SLC12A7: variants seen among roughly 807,000 people sequenced by gnomAD.
The protein encoded by SLC12A7 is K-Cl cotransporter 4.
SLC12A7 carries 100 observed loss-of-function variants against 120.6 expected under a neutral mutation model. The observed-to-expected ratio is 0.83, with a 90% CI of 0.71 to 0.98. The LOEUF (loss-of-function observed/expected upper bound fraction) is 0.98, where lower values mean the gene tolerates loss of function less well. Among genes scored for constraint, SLC12A7 ranks in the 50% least tolerant of loss-of-function variants. The pLI, the probability that SLC12A7 is intolerant of heterozygous loss-of-function variation, is 0.00. For synonymous variants in SLC12A7, 760 were observed against 678.0 expected, an observed-to-expected ratio of 1.12 and a Z score of -1.88; for missense variants, 1,373 against 1,548.1, an observed-to-expected ratio of 0.89 and a Z score of 1.90.
At chr5:1,076,931 T>C in intron 12 of SLC12A7, 119 bp from the exon 13 acceptor site, 1 of 731,580 alleles carries the variant, frequency 1.4e-6, no homozygotes, top group Non-Finnish European at 2.4e-6. Flanking sequence ...AGAAACGCCT[T>C]TCACAGTAGG....
intron 1 of SLC12A7, among the ~76,000 whole-genome samples, chr5:1,104,684 G>T (rs1314269957): frequency 6.7e-6 from 1 of 149,744 alleles, no homozygotes; most frequent in Non-Finnish European, 1.5e-5. Flanking sequence ...CGGGGGGTGC[G>T]TGTGGGGTGC....
chr5:1,055,565 C>T (rs1246971972), intron 22 of SLC12A7, among the ~76,000 whole-genome samples: 1 of 152,204 alleles, frequency 6.6e-6, no homozygotes, highest in Non-Finnish European at 1.5e-5. Flanking sequence ...GCACGCCACA[C>T]ATGAATACAA....
the SLC12A7 span, among the ~76,000 whole-genome samples, chr5:1,117,264 G>A: frequency 7.9e-5 from 12 of 152,232 alleles, no homozygotes; most frequent in Admixed American, 5.9e-4. This position sits in a 1 kb window ranked among gnomAD's most constrained non-coding sequence, Gnocchi z 4.5. Flanking sequence ...CTACCAGCCC[G>A]AGATGGAGCA....
chr5:1,116,007 G>A (rs1743307391), upstream of SLC12A7, among the ~76,000 whole-genome samples: 1 of 151,928 alleles, frequency 6.6e-6, no homozygotes, highest in African/African-American at 2.4e-5. Flanking sequence ...AGGAAGCAGA[G>A]TCTCCGGCCA....
chr5:1,126,478 G>C, the SLC12A7 span, among the ~76,000 whole-genome samples: 2 of 152,100 alleles, frequency 1.3e-5, no homozygotes, highest in African/African-American at 4.8e-5. Flanking sequence ...CTTCTGATTT[G>C]TTTTTGGTTT....
At chr5:1,119,185 A>G in the SLC12A7 span, among the ~76,000 whole-genome samples, 1 of 152,168 alleles carries the variant, frequency 6.6e-6, no homozygotes, top group African/African-American at 2.4e-5. Flanking sequence ...TGCATTTTAC[A>G]GCTTTCTGCT....
At chr5:1,108,029 T>TACACACACACACACACACACAC (rs59652318) in intron 1 of SLC12A7, among the ~76,000 whole-genome samples, 6 of 151,492 alleles carry the variant, frequency 4.0e-5, no homozygotes, top group African/African-American at 1.2e-4. Flanking sequence ...AACACACACA[T>TACACACACACACACACACACAC]ACACACACAC....
chr5:1,141,991 C>T, the SLC12A7 span, among the ~76,000 whole-genome samples: 634 of 152,222 alleles, frequency 4.2e-3, 7 homozygotes, highest in African/African-American at 0.014. Context: ...TTAGAGATAC[C>T]CCTCTTCCCT....
intron 6 of SLC12A7, among the ~76,000 whole-genome samples, chr5:1,086,382 A>C (rs554584828): frequency 2.6e-5 from 4 of 152,304 alleles, no homozygotes; most frequent in Admixed American, 6.5e-5. Flanking sequence ...TCCCGTCCCC[A>C]CGAGGACCAA....
chr5:1,144,842 G>A, the SLC12A7 span, among the ~76,000 whole-genome samples: 2 of 152,246 alleles, frequency 1.3e-5, no homozygotes, highest in African/African-American at 4.8e-5. Context: ...TCCCGGCTGC[G>A]CATGCACAGG....
chr5:1,059,130 G>A (rs1014823587), intron 21 of SLC12A7, among the ~76,000 whole-genome samples: 1 of 152,230 alleles, frequency 6.6e-6, no homozygotes, highest in Non-Finnish European at 1.5e-5. Context: ...GAAAACAGAG[G>A]ATGTGGGTCC....
At chr5:1,135,487 T>C in the SLC12A7 span, among the ~76,000 whole-genome samples, 1 of 152,152 alleles carries the variant, frequency 6.6e-6, no homozygotes, top group South Asian at 2.1e-4. Flanking sequence ...CCTGCGGCCC[T>C]CGTCCCCAGC....
intron 1 of SLC12A7, among the ~76,000 whole-genome samples, chr5:1,103,837 GA>G (rs1742246418): frequency 6.6e-6 from 1 of 152,220 alleles, no homozygotes; most frequent in Admixed American, 6.5e-5. Context: ...CTCACTTCCC[GA>G]ACCCTCTGTC....
At chr5:1,109,737 C>T (rs904775357) in intron 1 of SLC12A7, among the ~76,000 whole-genome samples, 6 of 152,230 alleles carry the variant, frequency 3.9e-5, no homozygotes, top group African/African-American at 1.2e-4. Context: ...TGGCTCAGGA[C>T]GCCCTCTCCA....
At chr5:1,140,900 C>T in the SLC12A7 span, among the ~76,000 whole-genome samples, 1 of 152,226 alleles carries the variant, frequency 6.6e-6, no homozygotes. Context: ...CCTTGGGAGG[C>T]TCAGCATGAG....
chr5:1,087,737 C>T (rs570788542), intron 5 of SLC12A7, among the ~76,000 whole-genome samples: 3 of 152,366 alleles, frequency 2.0e-5, no homozygotes, highest in Admixed American at 1.3e-4. Flanking sequence ...AGCACACATG[C>T]ACTCAGAAGC....
At chr5:1,138,411 T>G in the SLC12A7 span, among the ~76,000 whole-genome samples, 1 of 152,212 alleles carries the variant, frequency 6.6e-6, no homozygotes, top group Non-Finnish European at 1.5e-5. Flanking sequence ...TTACAAACCT[T>G]TAGCTACACA....
chr5:1,132,626 C>T, the SLC12A7 span, among the ~76,000 whole-genome samples: 1 of 152,194 alleles, frequency 6.6e-6, no homozygotes, highest in Admixed American at 6.5e-5. Context: ...CCCTTGCCTG[C>T]CTTCTGGACC....
the SLC12A7 span, among the ~76,000 whole-genome samples, chr5:1,118,846 C>G: frequency 6.6e-6 from 1 of 152,204 alleles, no homozygotes; most frequent in African/African-American, 2.4e-5. Flanking sequence ...TCTTCCAAGG[C>G]TGTGGGAGGT....
Sources: gnomAD v4.1 joint callset for allele counts (sites outside exome capture counted in the v4.1 genomes callset) on GRCh38, gnomAD v4.1.1 for gene constraint, Gnocchi (gnomAD v3.1) non-coding constraint, MANE v1.5 for transcripts, NCBI Gene and HGNC (gene_info 2026-07-23, HGNC 2026-07-21) for gene names.